Variants in DPYSL5 observed in about 807,000 individuals in gnomAD.
DPYSL5 encodes dihydropyrimidinase like 5, also known as dihydropyrimidinase-related protein 5.
A neutral mutation model predicts 58.4 loss-of-function variants in DPYSL5; 9 were observed. The ratio of observed to expected loss-of-function variants is 0.15; its 90% CI spans 0.09 to 0.27. DPYSL5 has a LOEUF of 0.27. DPYSL5 is among the 10% of genes least tolerant of loss of function. DPYSL5 has a pLI of 1.00. For missense variants in DPYSL5, 499 were observed against 770.6 expected, an observed-to-expected ratio of 0.65 and a Z score of 4.17; for synonymous variants, 293 against 301.9, an observed-to-expected ratio of 0.97 and a Z score of 0.31.
intron 5 of DPYSL5, among the ~76,000 whole-genome samples, chr2:26,929,294 G>A (rs541135871): frequency 5.9e-5 from 9 of 152,128 alleles, no homozygotes; most frequent in Non-Finnish European, 1.3e-4. Context: ...GTGCAATGGC[G>A]CAATCTCGGC....
At position 26,942,417 on chromosome 2, in the gene DPYSL5, A is replaced by C; in HGVS notation, c.1233-126A>C. 9.0e-7 allele frequency: 1 copy of C among 1,107,332 alleles called. No individual in the cohort carries two copies. Among genetic ancestry groups the C allele is most frequent in the Non-Finnish European group, 1.3e-6 (1 of 771,962 alleles). 68.6% of individuals were successfully genotyped at this position (1,107,332 alleles called of 1,614,324 possible). ...AGGTTCTGGGTGTTAGAACTTCAGCAGAAGAATTTTGAAGGGAGCCAATTC... is the reference window on the plus strand; with the variant it reads ...AGGTTCTGGGTGTTAGAACTTCAGCCGAAGAATTTTGAAGGGAGCCAATTC... On this transcript the variant is annotated intron_variant, in intron 10 of 12. Coordinates refer to ENST00000288699, the MANE Select transcript of DPYSL5 (RefSeq NM_020134.4). The surrounding 1 kb of genome is among the most constrained non-coding windows in gnomAD (Gnocchi z 5.9).
intron 5 of DPYSL5, among the ~76,000 whole-genome samples, chr2:26,930,841 G>A (rs1261416139): frequency 6.6e-6 from 1 of 151,896 alleles, no homozygotes; most frequent in African/African-American, 2.4e-5. Context: ...GGGCATGGTG[G>A]TGGGCGCCTG....
rs776919049 is a variant in DPYSL5 at position 26,905,748 on chromosome 2, G to A, written c.261+6988G>A. Reference sequence around the variant, plus strand: ...AGGACATCCCTCTACCCCCTCCATCGGTACTTAGTCTGCTTGTAGAGGGTA... The same window carrying A: ...AGGACATCCCTCTACCCCCTCCATCAGTACTTAGTCTGCTTGTAGAGGGTA... On this transcript the variant is annotated intron_variant, in intron 2 of 12. Transcript: ENST00000288699. This position sits in a 1 kb window ranked among gnomAD's most constrained non-coding sequence, Gnocchi z 4.0. 3.3e-5 allele frequency among the ~76,000 whole-genome samples: 5 copies of A among 152,112 alleles called. No homozygotes were observed. The highest frequency in any genetic ancestry group is 5.9e-5 in the Non-Finnish European group (4 of 68,016).
At chr2:26,876,046 G>A (rs1237689810) in intron 1 of DPYSL5, among the ~76,000 whole-genome samples, 1 of 152,100 alleles carries the variant, frequency 6.6e-6, no homozygotes, top group Admixed American at 6.5e-5. Flanking sequence ...TTTTCTTTAG[G>A]TGAATGAATT....
intron 1 of DPYSL5, among the ~76,000 whole-genome samples, chr2:26,856,030 C>T (rs1665869004): frequency 6.6e-6 from 1 of 152,000 alleles, no homozygotes; most frequent in Admixed American, 6.6e-5. Context: ...TGGCAATACA[C>T]ATACATGAAA....
At chr2:26,943,528 G>T (rs1444270280) in intron 11 of DPYSL5, among the ~76,000 whole-genome samples, 2 of 152,168 alleles carry the variant, frequency 1.3e-5, no homozygotes, top group Admixed American at 1.3e-4. Context: ...CTCCTAAAGT[G>T]CTGGGATTAC....
At chr2:26,895,944 T>C (rs1664010143) in intron 1 of DPYSL5, among the ~76,000 whole-genome samples, 1 of 151,698 alleles carries the variant, frequency 6.6e-6, no homozygotes, top group Non-Finnish European at 1.5e-5. Context: ...CACGCCCGGC[T>C]AGTTCTTGTA....
At position 26,877,052 on chromosome 2, in the gene DPYSL5, C is replaced by T. The variant is rs1301881963; in HGVS notation, c.-4-21444C>T. Among the ~76,000 whole-genome samples, 1 of 150,948 alleles carries T rather than the reference C, an allele frequency of 6.6e-6. No individual in the cohort carries two copies. The highest frequency in any genetic ancestry group is 2.4e-5 in the African/African-American group (1 of 40,980). On this transcript the variant is annotated intron_variant, in intron 1 of 12. Coordinates refer to ENST00000288699, the MANE Select transcript of DPYSL5 (RefSeq NM_020134.4). The surrounding 1 kb of genome is among the most constrained non-coding windows in gnomAD (Gnocchi z 4.1). ...CGTGATCTTGGCTCCCTGCAACCTC[C>T]GCCTCCCAGGTTCAAGCGATTCTCT...
chr2:26,876,833 G>T (rs1663421790), intron 1 of DPYSL5, among the ~76,000 whole-genome samples: 1 of 150,996 alleles, frequency 6.6e-6, no homozygotes, highest in South Asian at 2.1e-4. Flanking sequence ...CCAGATTAAT[G>T]GTTGTTAAAG....
Position 26,914,998 on chromosome 2 carries a change from G to C in DPYSL5, c.262-9889G>C, listed in dbSNP as rs761881173. 7.2e-5 allele frequency among the ~76,000 whole-genome samples: 11 copies of C among 152,184 alleles called. No individual in the cohort carries two copies. The South Asian group carries it at 2.3e-3, about 32-fold the overall frequency. On this transcript the variant is annotated intron_variant, in intron 2 of 12. Coordinates refer to ENST00000288699, the MANE Select transcript of DPYSL5 (RefSeq NM_020134.4). ...CCTTCCCAGTCTCCTTCCTGGTCTT[G>C]TCTTAATCTTGATGCTCTCCTATGC... is the stretch of plus-strand genomic sequence containing the variant.
chr2:26,877,832 C>T lies in DPYSL5; in HGVS notation c.-4-20664C>T, dbSNP rs1023531531. Among the ~76,000 whole-genome samples, 1 of 152,084 alleles carries T rather than the reference C, an allele frequency of 6.6e-6. No individual in the cohort carries two copies. The highest frequency in any genetic ancestry group is 1.5e-5 in the Non-Finnish European group (1 of 68,032). ...TGTAAACTACTTTCTTCACTCATAA[C>T]CTCCCATGTCAATACTTAGAGATCT... On this transcript the variant is annotated intron_variant, in intron 1 of 12. Transcript: ENST00000288699. This position sits in a 1 kb window ranked among gnomAD's most constrained non-coding sequence, Gnocchi z 4.1.
chr2:26,913,952 TAAA>T (rs71401539), intron 2 of DPYSL5, among the ~76,000 whole-genome samples: 4 of 132,296 alleles, frequency 3.0e-5, no homozygotes, highest in Admixed American at 7.4e-5. Flanking sequence ...TTCCAAAATG[TAAA>T]AAAAAAAAAA....
At chr2:26,930,175 AAC>A (rs1251886389) in intron 5 of DPYSL5, among the ~76,000 whole-genome samples, 2 of 152,214 alleles carry the variant, frequency 1.3e-5, no homozygotes, top group African/African-American at 4.8e-5. Context: ...TTGGTAGAGA[AAC>A]ACACACCAGA....
rs894554309 is a variant in DPYSL5 at position 26,849,391 on chromosome 2, C to T, written c.-5+1137C>T. On this transcript the variant is annotated intron_variant, in intron 1 of 12. Transcript: ENST00000288699. This position sits in a 1 kb window ranked among gnomAD's most constrained non-coding sequence, Gnocchi z 6.2. ...AGAGGCGGTCTCGGGCCCGAGGATCCTCAGCTCCAGGCGCGGGGCCCCGCG... is the reference window on the plus strand; with the variant it reads ...AGAGGCGGTCTCGGGCCCGAGGATCTTCAGCTCCAGGCGCGGGGCCCCGCG... Among the ~76,000 whole-genome samples the T allele has an allele frequency of 6.6e-6, 1 of 152,014 alleles. No homozygotes were observed. The highest frequency in any genetic ancestry group is 2.4e-5 in the African/African-American group (1 of 41,418).
rs186934363 is a variant in DPYSL5 at position 26,876,908 on chromosome 2, G to A, written c.-4-21588G>A. Among the ~76,000 whole-genome samples the A allele has an allele frequency of 1.1e-3, 172 of 151,202 alleles. 1 individual carries two copies. The highest frequency in any genetic ancestry group is 9.6e-4 in the Non-Finnish European group (65 of 67,874). On this transcript the variant is annotated intron_variant, in intron 1 of 12. Transcript: ENST00000288699. ...GACCTGGCACAAACATCCTCAGAGT[G>A]TAGTCCGGTGTAACTACCCCATTCA... is the stretch of plus-strand genomic sequence containing the variant.
chr2:26,887,516 C>T (rs1455030536), intron 1 of DPYSL5, among the ~76,000 whole-genome samples: 1 of 152,200 alleles, frequency 6.6e-6, no homozygotes, highest in Admixed American at 6.5e-5. Flanking sequence ...ATTTCTTTGG[C>T]AGGACTAAAA....
At chr2:26,929,530 T>C (rs7599286) in intron 5 of DPYSL5, among the ~76,000 whole-genome samples, 89,429 of 152,096 alleles carry the variant, frequency 0.59, 26,660 homozygotes, top group East Asian at 0.68. Flanking sequence ...CCGTGCCCAG[T>C]CCTGAGGTGG....
rs1029233058 is a variant in DPYSL5, at chr2:26,941,814, C to T, written c.1090-136C>T. On this transcript the variant is annotated intron_variant, in intron 9 of 12. Coordinates refer to ENST00000288699, the MANE Select transcript of DPYSL5 (RefSeq NM_020134.4). ...GCAGGCTGGCTCATCTGAGATGGTG[C>T]TCATGGCCTTGTCCCTTTGTGACCA... is the stretch of plus-strand genomic sequence containing the variant. 3.4e-6 allele frequency: 4 copies of T among 1,169,888 alleles called. 1 individual carries two copies. The highest frequency in any genetic ancestry group is 4.5e-5 in the Admixed American group (2 of 44,826). 72.5% of individuals were successfully genotyped at this position (1,169,888 alleles called of 1,614,324 possible). A position where few individuals can be genotyped will look rare whatever the true frequency, so the allele number is the denominator to read the frequency against.
rs370092522 is a variant in DPYSL5, at chr2:26,871,109, G to C, written c.-5+22855G>C. Among the ~76,000 whole-genome samples the C allele has an allele frequency of 1.3e-3, 200 of 152,202 alleles. 4 individuals carry two copies. Among genetic ancestry groups the C allele is most frequent in the African/African-American group, 4.7e-3 (194 of 41,528 alleles). The stretch of plus-strand genomic sequence containing the variant: ...GTGGAGTTCTTGTACGGCCTGGTGA[G>C]CTAAGAATGGTTGTCACCATTTTAA... On this transcript the variant is annotated intron_variant, in intron 1 of 12. Transcript: ENST00000288699.
Sources: gnomAD v4.1 joint callset for allele counts (sites outside exome capture counted in the v4.1 genomes callset) on GRCh38, gnomAD v4.1.1 for gene constraint, Gnocchi (gnomAD v3.1) non-coding constraint, MANE v1.5 for transcripts, NCBI Gene and HGNC (gene_info 2026-07-23, HGNC 2026-07-21) for gene names.